SSC5D: variants seen among roughly 807,000 people sequenced by gnomAD.
The protein encoded by SSC5D is scavenger receptor cysteine rich family member with 5 domains, also known as soluble scavenger receptor cysteine-rich domain-containing protein SSC5D.
A neutral mutation model predicts 104.6 loss-of-function variants in SSC5D; 106 were observed. The ratio of observed to expected loss-of-function variants is 1.01; its 90% CI spans 0.87 to 1.19. The LOEUF (loss-of-function observed/expected upper bound fraction) is 1.19. Ranked by LOEUF, SSC5D falls within the 50% of genes most tolerant of loss-of-function variation. The pLI is 0.00. For missense variants in SSC5D, 1,993 were observed against 2,153.8 expected (o/e 0.93, Z 1.48); for synonymous variants, 860 against 883.5 (o/e 0.97, Z 0.47).
chr19:55,493,994 G>GGGGGGGGGGGT, intron 7 of SSC5D, 82 bp downstream of exon 7: 6 of 143,314 alleles, frequency 4.2e-5, no homozygotes, highest in South Asian at 1.6e-4. Flanking sequence ...GGGCGGGGGG[G>GGGGGGGGGGGT]TCCCTACGCG....
chr19:55,502,656 T>C (rs745545164), intron 12 of SSC5D, among the ~76,000 whole-genome samples: 5 of 152,126 alleles, frequency 3.3e-5, no homozygotes, highest in Non-Finnish European at 5.9e-5. Flanking sequence ...TCATGGTAAA[T>C]TTCTCTCTCT....
Position 55,490,781 on chromosome 19 carries a change from G to A in SSC5D, c.596G>A (p.Arg199His), listed in dbSNP as rs1401311572. The change falls in exon 6 of 14, where the codon CGC (arginine) becomes CAC (histidine). Residue 199 changes from arginine to histidine, a missense_variant. Physicochemically the swap from Arg to His is conservative, Grantham distance 29 (BLOSUM62 0). Transcript: ENST00000389623. ...TTGAPRQERL[R>H]LVSGPHRCAG... ...CCTGCTCACCCCACAGAGCGGCTGC[G>A]CCTGGTCTCTGGCCCCCACAGGTGC... is the stretch of plus-strand genomic sequence containing the variant. 15 of 1,535,886 alleles carry A rather than the reference G, an allele frequency of 9.8e-6. No homozygotes were observed. Among genetic ancestry groups the A allele is most frequent in the South Asian group, 7.3e-5 (6 of 82,380 alleles).
intron 13 of SSC5D, 57 bp downstream of exon 13, chr19:55,513,229 G>A: frequency 4.9e-6 from 7 of 1,435,564 alleles, no homozygotes; most frequent in Non-Finnish European, 6.4e-6. Context: ...GGGGTAAAGA[G>A]ACAGATTCCA....
Position 55,499,947 on chromosome 19 carries a change from C to G in SSC5D, c.1837C>G (p.Leu613Val). 2 of 1,551,896 alleles carry G rather than the reference C, an allele frequency of 1.3e-6. No individual in the cohort carries two copies. The highest frequency in any genetic ancestry group is 1.7e-6 in the Non-Finnish European group (2 of 1,147,058). Residue 613 changes from leucine to valine, a missense_variant, in exon 10 of 14, where the codon CTG (leucine) becomes GTG (valine). Physicochemically the swap from Leu to Val is conservative, Grantham distance 32 (BLOSUM62 1). This residue lies in a region of SSC5D where 1,101 missense variants were observed against 1,085.0 expected (regional missense o/e 1.01). Coordinates refer to ENST00000389623, the MANE Select transcript of SSC5D (RefSeq NM_001144950.2). ...CTCTGCAAGTGTGACTGCCAGTGTT[C>G]TGGAGAAAACAACCACGAAGGCCCC... ...KPSASVTASVLEKTTTKAPGK... is the reference protein window; with the variant it reads ...KPSASVTASVVEKTTTKAPGK...
intron 12 of SSC5D, among the ~76,000 whole-genome samples, chr19:55,512,508 G>C (rs1207479345): frequency 2.8e-5 from 4 of 145,158 alleles, no homozygotes; most frequent in African/African-American, 7.7e-5. Flanking sequence ...TTGAGGCGGT[G>C]TCTCGCTCTG....
intron 9 of SSC5D, among the ~76,000 whole-genome samples, 181 bp from the exon 10 acceptor site, chr19:55,499,635 C>G (rs368420684): frequency 1.6e-4 from 25 of 152,216 alleles, no homozygotes; most frequent in African/African-American, 5.5e-4. Context: ...CATAGGCTAC[C>G]CGAGGGTCTA....
Position 55,517,332 on chromosome 19 carries a change from G to T in SSC5D, c.3056G>T (p.Gly1019Val), listed in dbSNP as rs1987894715. Reference sequence around the variant, plus strand: ...CCCTCCGCCTCTCCGGGACCCCCAGGCCCAGCGCTGACCTCTGACTCCAGT... The same window carrying T: ...CCCTCCGCCTCTCCGGGACCCCCAGTCCCAGCGCTGACCTCTGACTCCAGT... ...PGPSASPGPP[G>V]PALTSDSSRE... Residue 1019 changes from glycine (G) to valine (V), a missense_variant, in exon 14 of 14, where the codon GGC becomes GTC. This residue lies in a region of SSC5D where 423 missense variants were observed against 409.2 expected (regional missense o/e 1.03). Transcript: ENST00000389623. 6.5e-7 allele frequency: 1 copy of T among 1,550,014 alleles called. No homozygotes were observed. The highest frequency in any genetic ancestry group is 2.4e-5 in the East Asian group (1 of 40,888).
intron 12 of SSC5D, among the ~76,000 whole-genome samples, chr19:55,509,111 A>T (rs1423205430): frequency 6.6e-6 from 1 of 152,146 alleles, no homozygotes; most frequent in East Asian, 1.9e-4. Flanking sequence ...TGGGGTCTGG[A>T]GCTGGATGCT....
chr19:55,489,290 T>C, intron 2 of SSC5D, 64 bp from the exon 3 acceptor site: 1 of 1,405,534 alleles, frequency 7.1e-7, no homozygotes, highest in Non-Finnish European at 9.2e-7. Context: ...GCCCCTACAG[T>C]TGCCCTGGCC....
At position 55,518,455 on chromosome 19, in the gene SSC5D, C is replaced by G; in HGVS notation, c.4179C>G (p.Pro1393=). 2 of 1,551,392 alleles carry G rather than the reference C, an allele frequency of 1.3e-6. No homozygotes were observed. The highest frequency in any genetic ancestry group is 1.7e-6 in the Non-Finnish European group (2 of 1,146,958). Residue 1393 remains proline (P), a synonymous_variant, in exon 14 of 14, where the codon CCC becomes CCG. Transcript: ENST00000389623. ...CCTCTCCAGCCTTGGAGTCCAGCCC[C>G]TCCAGGTCCTCCACAGCCACAAGCA... ...LEPSPALESS[P]SRSSTATSMD...
chr19:55,493,804 G>C lies in SSC5D; in HGVS notation c.1105G>C (p.Asp369His). 6.5e-7 allele frequency: 1 copy of C among 1,549,096 alleles called. No homozygotes were observed. Among genetic ancestry groups the C allele is most frequent in the Non-Finnish European group, 8.7e-7 (1 of 1,146,542 alleles). The change falls in exon 7 of 14, where the codon GAC (aspartate) becomes CAC (histidine). Residue 369 changes from aspartate to histidine, a missense_variant. This residue lies in a region of SSC5D where 1,101 missense variants were observed against 1,085.0 expected (regional missense o/e 1.01). Coordinates refer to ENST00000389623, the MANE Select transcript of SSC5D (RefSeq NM_001144950.2). Reference protein sequence around the residue: ...FGEGSGPIILDDLRCRGNETA... With the variant: ...FGEGSGPIILHDLRCRGNETA... ...GGAGGGGTCTGGACCCATCATCCTG[G>C]ACGACCTTCGGTGTCGGGGAAACGA...
intron 12 of SSC5D, among the ~76,000 whole-genome samples, chr19:55,507,348 A>G (rs1017902782): frequency 3.4e-5 from 5 of 148,824 alleles, no homozygotes; most frequent in Non-Finnish European, 7.4e-5. Flanking sequence ...TCAAAAAAAA[A>G]AAAAAAAAAA....
intron 13 of SSC5D, 89 bp downstream of exon 13, chr19:55,513,261 C>T (rs904680339): frequency 1.4e-5 from 18 of 1,301,524 alleles, no homozygotes; most frequent in Non-Finnish European, 1.8e-5. Context: ...GGAACCCTTA[C>T]CCCAGAAAGA....
chr19:55,511,803 A>G (rs1987761872), intron 12 of SSC5D, among the ~76,000 whole-genome samples: 1 of 152,178 alleles, frequency 6.6e-6, no homozygotes, highest in South Asian at 2.1e-4. Flanking sequence ...TTTAGGGTGG[A>G]AAGGGGCAGG....
chr19:55,500,464 T>G lies in SSC5D; in HGVS notation c.2303-26T>G, dbSNP rs1454944421. 41 of 1,549,118 alleles carry G rather than the reference T, an allele frequency of 2.6e-5. No individual in the cohort carries two copies. The highest frequency in any genetic ancestry group is 1.2e-4 in the South Asian group (10 of 83,930). On this transcript the variant is annotated intron_variant, in intron 10 of 13. Transcript: ENST00000389623. The surrounding 1 kb of genome is among the most constrained non-coding windows in gnomAD (Gnocchi z 4.6). ...GAGAATGGGAGAGGCTGACCCTCCC[T>G]CCTGACCTAAGGGCCTTCCACGCAG...
chr19:55,490,065 A>G, intron 4 of SSC5D, 70 bp downstream of exon 4: 1 of 749,750 alleles, frequency 1.3e-6, no homozygotes, highest in Admixed American at 3.4e-5. Flanking sequence ...GGGGAGAGGG[A>G]CTGCCCTGCC....
At chr19:55,496,605 A>T (rs577102512) in intron 8 of SSC5D, among the ~76,000 whole-genome samples, 1 of 152,324 alleles carries the variant, frequency 6.6e-6, no homozygotes, top group East Asian at 1.9e-4. Context: ...GGATACTGAT[A>T]GGTCTCCATG....
rs537302447 is a variant in SSC5D, at chr19:55,503,960, T to C, written c.2785+2759T>C. Among the ~76,000 whole-genome samples, 197 of 152,194 alleles carry C rather than the reference T, an allele frequency of 1.3e-3. No homozygotes were observed. The highest frequency in any genetic ancestry group is 4.4e-3 in the African/African-American group (183 of 41,502). ...GCCTCCTGATTGGCCAGCCGGCGCATCGCCCGCAGTAATAATAGCTGGGCG... is the reference window on the plus strand; with the variant it reads ...GCCTCCTGATTGGCCAGCCGGCGCACCGCCCGCAGTAATAATAGCTGGGCG... On this transcript the variant is annotated intron_variant, in intron 12 of 13. Coordinates refer to ENST00000389623, the MANE Select transcript of SSC5D (RefSeq NM_001144950.2). The surrounding 1 kb of genome is among the most constrained non-coding windows in gnomAD (Gnocchi z 4.0).
chr19:55,488,687 T>G, intron 1 of SSC5D, 73 bp downstream of exon 1: 2 of 1,390,216 alleles, frequency 1.4e-6, no homozygotes, highest in Non-Finnish European at 2.0e-6. Flanking sequence ...TTGTCCAGTT[T>G]AGGGACTCAA....
Sources: allele counts gnomAD v4.1 joint callset (sites outside exome capture counted in the v4.1 genomes callset), GRCh38; gene constraint gnomAD v4.1.1; regional missense constraint gnomAD v4.1.1; non-coding constraint Gnocchi (gnomAD v3.1); transcripts MANE v1.5; gene names NCBI Gene and HGNC (gene_info 2026-07-23, HGNC 2026-07-21).